SPACA1: variants seen among roughly 807,000 people sequenced by gnomAD.
SPACA1 encodes sperm acrosome membrane-associated protein 1.
Under a neutral mutation model 32.6 loss-of-function variants are expected in SPACA1, and 17 were observed. That is an observed-to-expected ratio of 0.52 (90% CI 0.36 to 0.78). SPACA1 has a LOEUF of 0.78. Ranked by LOEUF, SPACA1 falls within the 30% of genes least tolerant of loss-of-function variation. The pLI is 0.01. For missense variants in SPACA1, 363 were observed against 373.4 expected (o/e 0.97, Z 0.23); for synonymous variants, 140 against 138.1 (o/e 1.01, Z -0.10).
chr6:88,053,967 A>G lies in SPACA1; in HGVS notation c.230A>G (p.Lys77Arg), dbSNP rs757957423. The change falls in exon 2 of 7, where the codon AAA (lysine) becomes AGA (arginine). Residue 77 changes from lysine to arginine, a missense_variant. Transcript: ENST00000237201. ...TTAGTTTCAAATAGGAATGTCGTCA[A>G]AGAAGTAGAATTCGGAATGTGCACC... ...TEDVSNRNVV[K>R]EVEFGMCTVT... The G allele has an allele frequency of 3.7e-6, 6 of 1,613,548 alleles. No homozygotes were observed. The highest frequency in any genetic ancestry group is 5.1e-6 in the Non-Finnish European group (6 of 1,179,736).
intron 1 of SPACA1, 109 bp from the exon 2 acceptor site, chr6:88,053,837 A>C (rs931051002): frequency 4.6e-5 from 37 of 797,050 alleles, no homozygotes; most frequent in Non-Finnish European, 7.3e-5. Context: ...AACTTAAAAA[A>C]TGTCTGCTGC....
At chr6:88,050,176 G>T (rs553683388) in intron 1 of SPACA1, among the ~76,000 whole-genome samples, 25 of 152,244 alleles carry the variant, frequency 1.6e-4, no homozygotes, top group Non-Finnish European at 3.1e-4. Flanking sequence ...GTTATAAAAA[G>T]GGAAAGAATA....
chr6:88,066,482 T>C lies in SPACA1; in HGVS notation c.*147T>C, dbSNP rs907109776. 23 of 607,706 alleles carry C rather than the reference T, an allele frequency of 3.8e-5. No individual in the cohort carries two copies. In the African/African-American group the frequency reaches 3.8e-4, roughly 10 times the overall value. 37.6% of individuals were successfully genotyped at this position (607,706 alleles called of 1,614,324 possible). A position where few individuals can be genotyped will look rare whatever the true frequency, so the allele number is the denominator to read the frequency against. ...AATGCAGTGTGGGGATAGGACTATT[T>C]TATCAGTGCATTTTTCCAGTACAGT... On this transcript the variant is annotated 3_prime_UTR_variant, in exon 7 of 7. Transcript: ENST00000237201.
intron 1 of SPACA1, among the ~76,000 whole-genome samples, chr6:88,053,725 A>C (rs967764196): frequency 2.0e-4 from 30 of 152,194 alleles, no homozygotes; most frequent in African/African-American, 7.0e-4. Flanking sequence ...CCTTCCTATT[A>C]GGTTATTTCC....
intron 5 of SPACA1, among the ~76,000 whole-genome samples, chr6:88,063,509 GA>G (rs1404861937): frequency 6.6e-6 from 1 of 152,166 alleles, no homozygotes; most frequent in East Asian, 1.9e-4. Context: ...ATCTATGGTG[GA>G]AAAGAAAATC....
intron 1 of SPACA1, among the ~76,000 whole-genome samples, chr6:88,052,222 C>A (rs2127798298): frequency 6.6e-6 from 1 of 152,142 alleles, no homozygotes; most frequent in East Asian, 1.9e-4. Context: ...TATTTAGTCT[C>A]ATTTTTTTTT....
chr6:88,058,870 A>T (rs1372934888), intron 4 of SPACA1, 48 bp downstream of exon 4: 2 of 1,342,238 alleles, frequency 1.5e-6, no homozygotes, highest in East Asian at 4.8e-5. Context: ...GAGTGATAAA[A>T]TTTGTTTCTC....
At chr6:88,053,844 C>A in intron 1 of SPACA1, 102 bp from the exon 2 acceptor site, 2 of 859,710 alleles carry the variant, frequency 2.3e-6, no homozygotes, top group South Asian at 1.9e-5. Flanking sequence ...AAAATGTCTG[C>A]TGCCCATATC....
At position 88,066,243 on chromosome 6, in the gene SPACA1, A is replaced by C; in HGVS notation, c.793A>C (p.Ser265Arg). 1 of 1,612,704 alleles carries C rather than the reference A, an allele frequency of 6.2e-7. No individual in the cohort carries two copies. Among genetic ancestry groups the C allele is most frequent in the Non-Finnish European group, 8.5e-7 (1 of 1,179,062 alleles). The change falls in exon 7 of 7, where the codon AGT (serine) becomes CGT (arginine). Residue 265 changes from serine to arginine, a missense_variant. Physicochemically the swap from Ser to Arg is moderately radical, Grantham distance 110. Coordinates refer to ENST00000237201, the MANE Select transcript of SPACA1 (RefSeq NM_030960.3). ...ASTPEVQSEQ[S>R]SVRYKDSTSL... is the part of the protein sequence containing the mutation. ...TACACCTGAGGTACAATCCGAGCAG[A>C]GTTCTGTGAGATACAAAGATTCAAC...
intron 1 of SPACA1, among the ~76,000 whole-genome samples, chr6:88,048,770 G>A (rs117487681): frequency 9.8e-5 from 7 of 71,452 alleles, no homozygotes; most frequent in Non-Finnish European, 1.9e-4. Context: ...CCCCCGCTTG[G>A]TACATACATT....
At chr6:88,060,081 G>T (rs997005973) in intron 5 of SPACA1, among the ~76,000 whole-genome samples, 1 of 152,166 alleles carries the variant, frequency 6.6e-6, no homozygotes, top group Non-Finnish European at 1.5e-5. Flanking sequence ...TGAAACAAAT[G>T]TTTTTTGATG....
At chr6:88,065,166 A>G (rs1775959987) in intron 6 of SPACA1, among the ~76,000 whole-genome samples, 1 of 148,734 alleles carries the variant, frequency 6.7e-6, no homozygotes, top group Non-Finnish European at 1.5e-5. Context: ...TTTGAACCGT[A>G]TATGTATACA....
chr6:88,061,755 A>G (rs961333302), intron 5 of SPACA1, among the ~76,000 whole-genome samples: 1 of 152,146 alleles, frequency 6.6e-6, no homozygotes, highest in East Asian at 1.9e-4. Flanking sequence ...GTACTTTGTT[A>G]TGGTGGTCCT....
At chr6:88,056,959 C>T (rs1051221510) in intron 2 of SPACA1, among the ~76,000 whole-genome samples, 2 of 152,260 alleles carry the variant, frequency 1.3e-5, no homozygotes. Flanking sequence ...TTAATACAGA[C>T]ATTTTATGAA....
chr6:88,059,275 A>G (rs532427775), intron 4 of SPACA1, among the ~76,000 whole-genome samples, 178 bp from the exon 5 acceptor site: 2 of 152,322 alleles, frequency 1.3e-5, no homozygotes, highest in East Asian at 3.9e-4. Flanking sequence ...ACAGGCAGGA[A>G]GTGGTAGGGT....
Position 88,048,652 on chromosome 6 carries a change from T to C in SPACA1, c.208+539T>C, listed in dbSNP as rs148836851. On this transcript the variant is annotated intron_variant, in intron 1 of 6. Coordinates refer to ENST00000237201, the MANE Select transcript of SPACA1 (RefSeq NM_030960.3). The stretch of plus-strand genomic sequence containing the variant: ...AGCACCTCTGCATTGTGGTGTTTGA[T>C]TGGTATGTGCGGCCTCGGACAAAGG... Among the ~76,000 whole-genome samples, 271 of 152,306 alleles carry C rather than the reference T, an allele frequency of 1.8e-3. 3 individuals are homozygous for C. The highest frequency in any genetic ancestry group is 6.8e-3 in the Middle Eastern group (2 of 294).
Position 88,057,569 on chromosome 6 carries a change from A to G in SPACA1, c.266-43A>G, listed in dbSNP as rs1279929683. ...GGGAAAGTGAAGACACTCTGGAATC[A>G]GTTTTTTTCTTAACATTTGCCTTTT... is the stretch of plus-strand genomic sequence containing the variant. On this transcript the variant is annotated intron_variant, in intron 2 of 6. Coordinates refer to ENST00000237201, the MANE Select transcript of SPACA1 (RefSeq NM_030960.3). 4 of 1,364,844 alleles carry G rather than the reference A, an allele frequency of 2.9e-6. No homozygotes were observed. In the African/African-American group the frequency reaches 5.7e-5, roughly 19 times the overall value. 84.5% of individuals were successfully genotyped at this position (1,364,844 alleles called of 1,614,324 possible). A position where few individuals can be genotyped will look rare whatever the true frequency, so the allele number is the denominator to read the frequency against.
intron 6 of SPACA1, 190 bp downstream of exon 6, chr6:88,064,409 A>G (rs1327012244): frequency 5.3e-6 from 2 of 377,690 alleles, no homozygotes; most frequent in Non-Finnish European, 9.3e-6. Context: ...ATGCTTTTTA[A>G]AACAATCTCA....
intron 2 of SPACA1, among the ~76,000 whole-genome samples, chr6:88,055,815 A>T (rs1398691854): frequency 1.3e-5 from 2 of 152,094 alleles, no homozygotes; most frequent in East Asian, 3.9e-4. Flanking sequence ...CTAAAAATAC[A>T]GAAAAATTAG....
Sources: allele counts gnomAD v4.1 joint callset (sites outside exome capture counted in the v4.1 genomes callset), GRCh38; gene constraint gnomAD v4.1.1; transcripts MANE v1.5; gene names NCBI Gene and HGNC (gene_info 2026-07-23, HGNC 2026-07-21).